Variants in HSD11B1 observed in about 807,000 individuals in gnomAD.
HSD11B1 encodes the protein hydroxysteroid 11-beta dehydrogenase 1.
In HSD11B1, 15 loss-of-function variants were observed where a neutral mutation model predicts 22.1. The ratio of observed to expected loss-of-function variants is 0.68; its 90% CI spans 0.45 to 1.04. The LOEUF (loss-of-function observed/expected upper bound fraction) is 1.04, where lower values mean the gene tolerates loss of function less well. Among genes scored for constraint, HSD11B1 ranks in the 50% least tolerant of loss-of-function variants. The probability of loss-of-function intolerance (pLI) is 0.00; values close to 1 mark genes in which losing one functional copy is unlikely to be tolerated. For missense variants in HSD11B1, 281 were observed against 357.6 expected (o/e 0.79, Z 1.73); for synonymous variants, 122 against 125.2 (o/e 0.97, Z 0.17).
At chr1:209,700,526 G>T (rs1474799820), upstream of HSD11B1, among the ~76,000 whole-genome samples, 4 of 152,190 alleles carry the variant, frequency 2.6e-5, no homozygotes, top group Non-Finnish European at 4.4e-5. Context: ...TAGGCTCCAG[G>T]CCTGTGATGG....
intron 5 of HSD11B1, among the ~76,000 whole-genome samples, chr1:209,733,909 C>T (rs1448682012): frequency 6.6e-6 from 1 of 152,170 alleles, no homozygotes; most frequent in African/African-American, 2.4e-5. Flanking sequence ...AAGTCATTAT[C>T]ATACAGCACT....
intron 4 of HSD11B1, among the ~76,000 whole-genome samples, chr1:209,710,440 A>G (rs1191570708): frequency 1.3e-5 from 2 of 151,920 alleles, no homozygotes; most frequent in African/African-American, 4.8e-5. Flanking sequence ...TTAGCCCCCT[A>G]CCTCCTATGA....
At chr1:209,709,961 C>T (rs1045712104) in intron 4 of HSD11B1, among the ~76,000 whole-genome samples, 1 of 149,810 alleles carries the variant, frequency 6.7e-6, no homozygotes, top group African/African-American at 2.5e-5. Context: ...CACACACACA[C>T]ACACACACAC....
intron 4 of HSD11B1, among the ~76,000 whole-genome samples, chr1:209,721,327 T>C (rs1209539639): frequency 1.3e-5 from 2 of 151,966 alleles, no homozygotes; most frequent in African/African-American, 2.4e-5. Flanking sequence ...AAATGAACAC[T>C]AAGTATTTGG....
chr1:209,707,934 A>AG (rs1558191177), intron 4 of HSD11B1, among the ~76,000 whole-genome samples: 1 of 152,222 alleles, frequency 6.6e-6, no homozygotes, highest in Non-Finnish European at 1.5e-5. Context: ...AAGAAAAAAA[A>AG]AAAAGATGAA....
At chr1:209,696,427 T>C (rs2076791817) in intron 1 of HSD11B1, among the ~76,000 whole-genome samples, 1 of 152,162 alleles carries the variant, frequency 6.6e-6, no homozygotes, top group East Asian at 1.9e-4. Context: ...TAGGAGGCCC[T>C]CAGAAGGAGA....
chr1:209,710,503 T>C (rs530202155), intron 4 of HSD11B1, among the ~76,000 whole-genome samples: 3 of 152,362 alleles, frequency 2.0e-5, no homozygotes, highest in South Asian at 4.1e-4. Flanking sequence ...TTTGTCTTTA[T>C]CTACTATATT....
chr1:209,699,507 AC>A (rs1211176693), intron 1 of HSD11B1, among the ~76,000 whole-genome samples: 2 of 151,740 alleles, frequency 1.3e-5, no homozygotes. Context: ...TGATTCAATT[AC>A]CTCCCCCAGG....
chr1:209,732,028 C>T (rs1159688945), intron 4 of HSD11B1, among the ~76,000 whole-genome samples: 3 of 152,088 alleles, frequency 2.0e-5, no homozygotes, highest in Non-Finnish European at 4.4e-5. Context: ...TTTTTTAATA[C>T]CTTTGTAAGG....
chr1:209,705,123 T>C, intron 1 of HSD11B1, 93 bp downstream of exon 1: 1 of 1,010,460 alleles, frequency 9.9e-7, no homozygotes, highest in African/African-American at 1.6e-5. Context: ...TTCTTGATCC[T>C]CAAAGTTGGT....
intron 4 of HSD11B1, among the ~76,000 whole-genome samples, chr1:209,712,922 G>T (rs1327947641): frequency 6.6e-6 from 1 of 152,138 alleles, no homozygotes; most frequent in African/African-American, 2.4e-5. Flanking sequence ...GGTGGTGGGT[G>T]CCTGTAGTCC....
chr1:209,704,890 T>G lies in HSD11B1; in HGVS notation c.-53T>G. ...CTGCTTAGGAGGTTGTAGAAAGCTCTGTAGGTTCTCTCTGTGTGTCCTACA... is the reference window on the plus strand; with the variant it reads ...CTGCTTAGGAGGTTGTAGAAAGCTCGGTAGGTTCTCTCTGTGTGTCCTACA... On this transcript the variant is annotated 5_prime_UTR_variant, in exon 1 of 6. Transcript: ENST00000367027. 4 of 1,388,568 alleles carry G rather than the reference T, an allele frequency of 2.9e-6. No homozygotes were observed. The highest frequency in any genetic ancestry group is 4.1e-6 in the Non-Finnish European group (4 of 975,190). The allele number at this position is 1,388,568 out of a possible 1,614,324, so 86.0% of individuals were successfully genotyped here.
chr1:209,688,584 C>T (rs1044704905), intron 1 of HSD11B1, among the ~76,000 whole-genome samples: 3 of 152,172 alleles, frequency 2.0e-5, no homozygotes, highest in African/African-American at 4.8e-5. Flanking sequence ...TCCTTTTCTT[C>T]GAATAAAACC....
At chr1:209,726,064 C>T (rs187950753) in intron 4 of HSD11B1, among the ~76,000 whole-genome samples, 2 of 152,000 alleles carry the variant, frequency 1.3e-5, no homozygotes, top group East Asian at 1.9e-4. Context: ...AGGCGGATCA[C>T]GAGGTCAAGA....
At chr1:209,707,901 T>A (rs1179887837) in intron 4 of HSD11B1, among the ~76,000 whole-genome samples, 1 of 148,860 alleles carries the variant, frequency 6.7e-6, no homozygotes, top group Non-Finnish European at 1.5e-5. Context: ...TGGGCTAAGC[T>A]AAAGCTAAAT....
intron 4 of HSD11B1, among the ~76,000 whole-genome samples, chr1:209,717,871 CAAAAAAAAA>C (rs1015577238): frequency 2.5e-5 from 1 of 39,636 alleles, no homozygotes; most frequent in Non-Finnish European, 6.0e-5. Context: ...GACTCCATCT[CAAAAAAAAA>C]AAAAAAAAAA....
intron 4 of HSD11B1, among the ~76,000 whole-genome samples, chr1:209,718,557 C>T (rs1387276468): frequency 6.6e-6 from 1 of 152,084 alleles, no homozygotes; most frequent in African/African-American, 2.4e-5. Context: ...ATCCCCCACA[C>T]CCCCAAAAAA....
At chr1:209,707,493 G>T (rs2076867747) in intron 4 of HSD11B1, among the ~76,000 whole-genome samples, 1 of 152,042 alleles carries the variant, frequency 6.6e-6, no homozygotes, top group Non-Finnish European at 1.5e-5. Context: ...TGCATGAATG[G>T]GCAGATGTAC....
At chr1:209,720,497 T>C (rs1210519635) in intron 4 of HSD11B1, among the ~76,000 whole-genome samples, 3 of 151,424 alleles carry the variant, frequency 2.0e-5, no homozygotes, top group Admixed American at 6.6e-5. Flanking sequence ...CATATCCACA[T>C]GACATTCTCT....
Sources: allele counts gnomAD v4.1 joint callset (sites outside exome capture counted in the v4.1 genomes callset), GRCh38; gene constraint gnomAD v4.1.1; transcripts MANE v1.5; gene names NCBI Gene and HGNC (gene_info 2026-07-23, HGNC 2026-07-21).